The following IRF2BPL variants were observed in gnomAD, a reference collection of about 807,000 sequenced individuals.
IRF2BPL encodes interferon regulatory factor 2 binding protein like, also known as probable E3 ubiquitin-protein ligase IRF2BPL.
A neutral mutation model predicts 51.2 loss-of-function variants in IRF2BPL; 13 were observed. That is an observed-to-expected ratio of 0.25 (90% CI 0.17 to 0.40). The LOEUF (loss-of-function observed/expected upper bound fraction) is 0.40. Ranked by LOEUF, IRF2BPL falls within the 10% of genes least tolerant of loss-of-function variation. IRF2BPL has a pLI of 1.00. For synonymous variants in IRF2BPL, 768 were observed against 509.2 expected (o/e 1.51, Z -6.84); for missense variants, 1,210 against 1,111.8 (o/e 1.09, Z -1.26).
chr14:77,026,449 G>A lies in IRF2BPL; in HGVS notation c.1344C>T (p.Asp448=), dbSNP rs201784681. The A allele has an allele frequency of 1.5e-4, 248 of 1,613,426 alleles. 1 individual carries two copies. The highest frequency in any genetic ancestry group is 3.8e-5 in the Non-Finnish European group (45 of 1,180,024). ...AACCCGAGGATAGGCCCCGGCCGAA[G>A]TCCTTCATGCAGTCCTGATACATCT... ...AKQMYQDCMK[D]FGRGLSSGFK... Residue 448 remains aspartate, a synonymous_variant, in exon 1 of 1, where the codon GAC becomes GAT. Transcript: ENST00000238647.
Position 77,027,429 on chromosome 14 carries a change from GC to G in IRF2BPL, c.363del (p.Gln121HisfsTer31), listed in dbSNP as rs1459744155. On this transcript the variant is annotated frameshift_variant, in exon 1 of 1. Transcript: ENST00000238647. LOFTEE classifies it high-confidence loss of function. Reference protein sequence around the residue: ...QQQQQQQQQQQQQQQQQLNHV... With the variant: ...QQQQQQQQQQXQQQQQQLNHV... ...TGGTTGAGCTGTTGTTGCTGCTGCT[GC>G]TGCTGCTGCTGCTGCTGCTGTTGCT... 7.2e-7 allele frequency: 1 copy of G among 1,398,446 alleles called. No homozygotes were observed. Among genetic ancestry groups the G allele is most frequent in the South Asian group, 1.4e-5 (1 of 74,066 alleles). 86.6% of individuals were successfully genotyped at this position (1,398,446 alleles called of 1,614,324 possible).
rs756935127 is a variant in IRF2BPL, at chr14:77,026,305, G to A, written c.1488C>T (p.Pro496=). Residue 496 remains proline, a synonymous_variant, in exon 1 of 1, where the codon CCC becomes CCT. Transcript: ENST00000238647. Reference sequence around the variant, plus strand: ...GACAGCTGGCGTCCAGGTAGGGCTGGGGCAGCATGTCGGCGCCGGGCACGC... The same window carrying A: ...GACAGCTGGCGTCCAGGTAGGGCTGAGGCAGCATGTCGGCGCCGGGCACGC... ...KEGVPGADML[P]QPYLDASCPM... The A allele has an allele frequency of 7.1e-6, 11 of 1,547,694 alleles. No individual in the cohort carries two copies. Among genetic ancestry groups the A allele is most frequent in the Admixed American group, 2.0e-5 (1 of 51,256 alleles).
Position 77,025,736 on chromosome 14 carries a change from G to A in IRF2BPL, c.2057C>T (p.Pro686Leu), listed in dbSNP as rs1885094044. 6.3e-7 allele frequency: 1 copy of A among 1,582,058 alleles called. No homozygotes were observed. The highest frequency in any genetic ancestry group is 8.6e-7 in the Non-Finnish European group (1 of 1,163,174). The change falls in exon 1 of 1, where the codon CCG (proline) becomes CTG (leucine). Residue 686 changes from proline to leucine, a missense_variant. Physicochemically the swap from Pro to Leu is moderately conservative, Grantham distance 98. Transcript: ENST00000238647. Reference sequence around the variant, plus strand: ...CATGCCCGGGTGGGCGCTAGGCGGCGGGGGCGCCACCTGTAAATTCAGGTC... The same window carrying A: ...CATGCCCGGGTGGGCGCTAGGCGGCAGGGGCGCCACCTGTAAATTCAGGTC... ...NGDLNLQVAPPPPSAHPGMDQ... is the reference protein window; with the variant it reads ...NGDLNLQVAPLPPSAHPGMDQ...
rs1885219675 is a variant in IRF2BPL, at chr14:77,028,126, CG to C, written c.-335del. ...AAGCTCCCGGCCCGAGGGGAGGGGG[CG>C]AGGGTGCCCGGTGGTGGCCGCCGTT... On this transcript the variant is annotated 5_prime_UTR_variant, in exon 1 of 1. Transcript: ENST00000238647. 1 of 268,514 alleles carries C rather than the reference CG, an allele frequency of 3.7e-6. No homozygotes were observed. The highest frequency in any genetic ancestry group is 2.2e-5 in the African/African-American group (1 of 44,890). The allele number at this position is 268,514 out of a possible 1,614,324, so 16.6% of individuals were successfully genotyped here.
Position 77,027,037 on chromosome 14 carries a change from C to T in IRF2BPL, c.756G>A (p.Val252=). ...PGGGGGPQLT[V]PPNLLPQTLL... The stretch of plus-strand genomic sequence containing the variant: ...GCGTCTGCGGTAGCAGGTTGGGGGG[C>T]ACGGTGAGCTGGGGGCCTCCGCCAC... The change falls in exon 1 of 1, where the codon GTG becomes GTA. Residue 252 remains valine (V), a synonymous_variant. Transcript: ENST00000238647. The T allele has an allele frequency of 1.3e-6, 2 of 1,544,304 alleles. No individual in the cohort carries two copies. The highest frequency in any genetic ancestry group is 1.7e-6 in the Non-Finnish European group (2 of 1,146,610).
Position 77,025,749 on chromosome 14 carries a change from G to A in IRF2BPL, c.2044C>T (p.Gln682Ter). The part of the protein sequence containing the change: ...LASRNGDLNL[Q>*]VAPPPPSAHP... ...GCGCTAGGCGGCGGGGGCGCCACCT[G>A]TAAATTCAGGTCCCCGTTACGTGAT... The change falls in exon 1 of 1, where the codon CAG becomes TAG. Residue 682 changes from glutamine to a stop codon, truncating the protein, a stop_gained. Transcript: ENST00000238647. LOFTEE classifies it high-confidence loss of function. The A allele has an allele frequency of 6.3e-7, 1 of 1,593,898 alleles. No individual in the cohort carries two copies. Among genetic ancestry groups the A allele is most frequent in the Non-Finnish European group, 8.6e-7 (1 of 1,168,916 alleles).
Position 77,027,199 on chromosome 14 carries a change from G to C in IRF2BPL, c.594C>G (p.Gly198=), listed in dbSNP as rs142835650. ...CCTCCTCTGGTGTTGGTTTGGGGAA[G>C]CCGTTTGGGCCCCCCAGGCCGTTGG... The part of the protein sequence containing the change: ...RLPNGLGGPN[G]FPKPTPEEGP... Residue 198 remains glycine, a synonymous_variant, in exon 1 of 1, where the codon GGC becomes GGG. Transcript: ENST00000238647. 8 of 1,610,834 alleles carry C rather than the reference G, an allele frequency of 5.0e-6. No homozygotes were observed. The highest frequency in any genetic ancestry group is 1.7e-4 in the Middle Eastern group (1 of 6,010).
rs201369439 is a variant in IRF2BPL at position 77,025,847 on chromosome 14, G to A, written c.1946C>T (p.Thr649Ile). The change falls in exon 1 of 1, where the codon ACC becomes ATC. Residue 649 changes from threonine (T) to isoleucine (I), a missense_variant. Coordinates refer to ENST00000238647, the MANE Select transcript of IRF2BPL (RefSeq NM_024496.4). The part of the protein sequence containing the change: ...SPKDGSSVHS[T>I]TASARRNSSS... ...GCTGTTTCGCCGCGCCGACGCAGTGGTAGAGTGCACGGAACTGCCATCCTT... is the reference window on the plus strand; with the variant it reads ...GCTGTTTCGCCGCGCCGACGCAGTGATAGAGTGCACGGAACTGCCATCCTT... The A allele has an allele frequency of 1.3e-4, 213 of 1,612,720 alleles. 1 individual carries two copies. In the East Asian group the frequency reaches 4.1e-3, roughly 31 times the overall value.
chr14:77,027,318 C>T lies in IRF2BPL; in HGVS notation c.475G>A (p.Ala159Thr), dbSNP rs750552932. 8 of 1,530,834 alleles carry T rather than the reference C, an allele frequency of 5.2e-6. No individual in the cohort carries two copies. In the Admixed American group the frequency reaches 1.6e-4, roughly 30 times the overall value. 94.8% of individuals were successfully genotyped at this position (1,530,834 alleles called of 1,614,324 possible). Residue 159 changes from alanine (A) to threonine (T), a missense_variant, in exon 1 of 1, where the codon GCC becomes ACC. Ala to Thr is a moderately conservative substitution (Grantham distance 58, BLOSUM62 0). Coordinates refer to ENST00000238647, the MANE Select transcript of IRF2BPL (RefSeq NM_024496.4). ...TGTTCCACCGCAGCGGCGGCGGCGGCGGCGGCGGCGGCGGCAGCGCTTAGG... is the reference window on the plus strand; with the variant it reads ...TGTTCCACCGCAGCGGCGGCGGCGGTGGCGGCGGCGGCGGCAGCGCTTAGG... Reference protein sequence around the residue: ...YGLSAAAAAAAAAAAAVEQRS... With the variant: ...YGLSAAAAAATAAAAAVEQRS...
chr14:77,026,815 A>C lies in IRF2BPL; in HGVS notation c.978T>G (p.Gly326=). The C allele has an allele frequency of 1.9e-6, 3 of 1,612,054 alleles. No homozygotes were observed. The highest frequency in any genetic ancestry group is 2.5e-6 in the Non-Finnish European group (3 of 1,179,538). The stretch of plus-strand genomic sequence containing the variant: ...CCGAGCCGGGCCTCTTACCACCAGC[A>C]CCCACGCCCACCTCTGCCACCGACG... ...TSSSVAEVGV[G]AGGKRPGSVS... is the part of the protein sequence containing the mutation. The change falls in exon 1 of 1, where the codon GGT becomes GGG. Residue 326 remains glycine, a synonymous_variant. Coordinates refer to ENST00000238647, the MANE Select transcript of IRF2BPL (RefSeq NM_024496.4).
At position 77,027,455 on chromosome 14, in the gene IRF2BPL, T is replaced by A; in HGVS notation, c.338A>T (p.Gln113Leu). The change falls in exon 1 of 1, where the codon CAG becomes CTG. Residue 113 changes from glutamine (Q) to leucine (L), a missense_variant. Transcript: ENST00000238647. ...QQQQQQQQQQQQQQQQQQQQQ... is the reference protein window; with the variant it reads ...QQQQQQQQQQLQQQQQQQQQQ... ...CTGCTGCTGCTGCTGCTGCTGTTGC[T>A]GCTGCTGCTGCTGCTGTTGCTGTTG... 6.9e-7 allele frequency: 1 copy of A among 1,444,366 alleles called. No homozygotes were observed. The highest frequency in any genetic ancestry group is 9.1e-7 in the Non-Finnish European group (1 of 1,100,104). The allele number at this position is 1,444,366 out of a possible 1,614,324, so 89.5% of individuals were successfully genotyped here.
Position 77,027,274 on chromosome 14 carries a change from G to A in IRF2BPL, c.519C>T (p.Tyr173=). Residue 173 remains tyrosine, a synonymous_variant, in exon 1 of 1, where the codon TAC becomes TAT. Coordinates refer to ENST00000238647, the MANE Select transcript of IRF2BPL (RefSeq NM_024496.4). The part of the protein sequence containing the change: ...AAVEQRSRFE[Y]PPPPVSLGSS... ...TTCCCAGGCTCACCGGCGGTGGCGG[G>A]TACTCGAAGCGGCTGCGCTGTTCCA... The A allele has an allele frequency of 2.5e-6, 4 of 1,580,810 alleles. No individual in the cohort carries two copies. In the East Asian group the frequency reaches 7.0e-5, roughly 28 times the overall value.
chr14:77,028,682 G>A lies in IRF2BPL; in HGVS notation c.-890C>T, dbSNP rs1388084951. The A allele has an allele frequency of 2.7e-6, 1 of 369,174 alleles. No individual in the cohort carries two copies. Among genetic ancestry groups the A allele is most frequent in the East Asian group, 3.9e-5 (1 of 25,766 alleles). The allele number at this position is 369,174 out of a possible 1,614,324, so 22.9% of individuals were successfully genotyped here. A position where few individuals can be genotyped will look rare whatever the true frequency, so the allele number is the denominator to read the frequency against. On this transcript the variant is annotated 5_prime_UTR_variant, in exon 1 of 1. Transcript: ENST00000238647. The stretch of plus-strand genomic sequence containing the variant: ...TCCGGAGGCGCGTCTCGGCGCTCCT[G>A]CTCCGGCTGCGGCTCGCGCTGTCCC...
chr14:77,027,653 A>G lies in IRF2BPL; in HGVS notation c.140T>C (p.Ile47Thr), dbSNP rs1885194911. The change falls in exon 1 of 1, where the codon ATC becomes ACC. Residue 47 changes from isoleucine (I) to threonine (T), a missense_variant. By Grantham distance (89) the Ile-to-Thr change is moderately conservative. Transcript: ENST00000238647. Reference protein sequence around the residue: ...GCVNYEGADRIEFVIETARQL... With the variant: ...GCVNYEGADRTEFVIETARQL... Reference sequence around the variant, plus strand: ...GCGCGCTGTCTCGATCACGAATTCGATGCGATCAGCGCCCTCGTAGTTGAC... The same window carrying G: ...GCGCGCTGTCTCGATCACGAATTCGGTGCGATCAGCGCCCTCGTAGTTGAC... 1 of 1,610,700 alleles carries G rather than the reference A, an allele frequency of 6.2e-7. No homozygotes were observed. The highest frequency in any genetic ancestry group is 8.5e-7 in the Non-Finnish European group (1 of 1,179,090).
In IRF2BPL at chr14:77,028,004, G is replaced by C. The variant is rs1349905956; in HGVS notation, c.-212C>G. The C allele has an allele frequency of 2.7e-5, 15 of 545,818 alleles. No individual in the cohort carries two copies. In the Admixed American group the frequency reaches 5.3e-4, roughly 19 times the overall value. The allele number at this position is 545,818 out of a possible 1,614,324, so 33.8% of individuals were successfully genotyped here. A position where few individuals can be genotyped will look rare whatever the true frequency, so the allele number is the denominator to read the frequency against. On this transcript the variant is annotated 5_prime_UTR_variant, in exon 1 of 1. Transcript: ENST00000238647. ...GGGCTCCACCGCCCGGGCAGCGGACGGGTTCAGCCCTCTCTTCGCCCCCAC... is the reference window on the plus strand; with the variant it reads ...GGGCTCCACCGCCCGGGCAGCGGACCGGTTCAGCCCTCTCTTCGCCCCCAC...
Position 77,026,921 on chromosome 14 carries a change from C to T in IRF2BPL, c.872G>A (p.Gly291Glu). 2 of 1,480,144 alleles carry T rather than the reference C, an allele frequency of 1.4e-6. No homozygotes were observed. Among genetic ancestry groups the T allele is most frequent in the Non-Finnish European group, 1.8e-6 (2 of 1,116,456 alleles). The allele number at this position is 1,480,144 out of a possible 1,614,324, so 91.7% of individuals were successfully genotyped here. ...SRGPPTPAPP[G>E]APGGPACLGG... ...GAGACAAGCGGGGCCCCCAGGAGCC[C>T]CTGGGGGAGCAGGCGTCGGGGGCCC... The change falls in exon 1 of 1, where the codon GGG (glycine) becomes GAG (glutamate). Residue 291 changes from glycine (G) to glutamate (E), a missense_variant. Gly to Glu is a moderately conservative substitution (Grantham distance 98, BLOSUM62 -2). Transcript: ENST00000238647.
Position 77,026,566 on chromosome 14 carries a change from G to C in IRF2BPL, c.1227C>G (p.Ser409=), listed in dbSNP as rs758337885. 16 of 1,613,756 alleles carry C rather than the reference G, an allele frequency of 9.9e-6. No individual in the cohort carries two copies. Among genetic ancestry groups the C allele is most frequent in the Non-Finnish European group, 1.3e-5 (15 of 1,180,024 alleles). ...LGRVFAFDAV[S]KPGMDYELKL... ...TCAATTCGTAGTCCATGCCGGGCTT[G>C]GAGACGGCGTCGAAGGCGAAAACGC... The change falls in exon 1 of 1, where the codon TCC becomes TCG. Residue 409 remains serine (S), a synonymous_variant. Coordinates refer to ENST00000238647, the MANE Select transcript of IRF2BPL (RefSeq NM_024496.4).
chr14:77,027,024 G>C lies in IRF2BPL; in HGVS notation c.769C>G (p.Leu257Val), dbSNP rs766896279. The C allele has an allele frequency of 1.1e-5, 17 of 1,531,842 alleles. No individual in the cohort carries two copies. The African/African-American group carries it at 1.8e-4, about 16-fold the overall frequency. The allele number at this position is 1,531,842 out of a possible 1,614,324, so 94.9% of individuals were successfully genotyped here. The change falls in exon 1 of 1, where the codon CTA becomes GTA. Residue 257 changes from leucine to valine, a missense_variant. Leu to Val is a conservative substitution (Grantham distance 32). Coordinates refer to ENST00000238647, the MANE Select transcript of IRF2BPL (RefSeq NM_024496.4). ...GPQLTVPPNL[L>V]PQTLLNGPAS... ...GGGCCGTTAAGCAGCGTCTGCGGTA[G>C]CAGGTTGGGGGGCACGGTGAGCTGG...
At position 77,026,047 on chromosome 14, in the gene IRF2BPL, G is replaced by A. The variant is rs1885105545; in HGVS notation, c.1746C>T (p.Ser582=). The change falls in exon 1 of 1, where the codon TCC becomes TCT. Residue 582 remains serine, a synonymous_variant. Transcript: ENST00000238647. ...GCCCCGGCGCCGCGAAGCCCCCGGC[G>A]GACATGGTGAGCTTCAGCGCCTCGC... ...NQSEALKLTM[S]AGGFAAPGHA... is the part of the protein sequence containing the mutation. The A allele has an allele frequency of 1.9e-6, 3 of 1,566,508 alleles. No individual in the cohort carries two copies. Among genetic ancestry groups the A allele is most frequent in the Admixed American group, 1.9e-5 (1 of 53,802 alleles).
Sources: gnomAD v4.1 joint callset for allele counts on GRCh38, gnomAD v4.1.1 for gene constraint, MANE v1.5 for transcripts, NCBI Gene and HGNC (gene_info 2026-07-23, HGNC 2026-07-21) for gene names.